Variants in IQCK observed in about 807,000 individuals in gnomAD.
IQCK encodes IQ motif containing K.
Under a neutral mutation model 28.1 loss-of-function variants are expected in IQCK, and 29 were observed. The ratio of observed to expected loss-of-function variants is 1.03; its 90% CI spans 0.77 to 1.41. The LOEUF (loss-of-function observed/expected upper bound fraction) is 1.41. IQCK is among the 40% of genes most tolerant of loss of function. The probability of loss-of-function intolerance (pLI) is 0.00; values close to 1 mark genes in which losing one functional copy is unlikely to be tolerated. For synonymous variants in IQCK, 113 were observed against 115.1 expected (o/e 0.98, Z 0.12); for missense variants, 359 against 314.7 (o/e 1.14, Z -1.07).
exon 10 of IQCK, chr16:19,858,356 CATGGCTCAAAG>C (rs963928479): frequency 2.2e-6 from 1 of 446,278 alleles, no homozygotes; most frequent in African/African-American, 2.0e-5. Flanking sequence ...TGAGGCTTCC[CATGGCTCAAAG>C]ATGGCTCTGT....
chr16:19,736,038 C>T (rs1450726585), intron 4 of IQCK: 6 of 450,936 alleles, frequency 1.3e-5, no homozygotes, highest in Non-Finnish European at 1.8e-5. Context: ...TGCACTCCAG[C>T]CTGGGCAATA....
At chr16:19,763,452 G>GT (rs1017157676) in intron 4 of IQCK, among the ~76,000 whole-genome samples, 4 of 151,392 alleles carry the variant, frequency 2.6e-5, no homozygotes, top group Admixed American at 1.3e-4. Flanking sequence ...AGTTTCTTTT[G>GT]TTTTTTTTGA....
chr16:19,725,236 C>T (rs1195052770), intron 1 of IQCK, among the ~76,000 whole-genome samples: 7 of 152,140 alleles, frequency 4.6e-5, no homozygotes, highest in South Asian at 2.1e-4. Context: ...GACAGGCTGT[C>T]GCCCAGGCTG....
chr16:19,745,992 C>T (rs2151694490), intron 4 of IQCK, among the ~76,000 whole-genome samples: 1 of 152,220 alleles, frequency 6.6e-6, no homozygotes, highest in South Asian at 2.1e-4. Flanking sequence ...ATGACTTCCA[C>T]CAAGTTCTCT....
chr16:19,735,530 A>G, intron 4 of IQCK, 80 bp downstream of exon 4: 1 of 1,191,632 alleles, frequency 8.4e-7, no homozygotes, highest in Non-Finnish European at 1.3e-6. Flanking sequence ...TTATCTTGGT[A>G]CCATCAGGTT....
chr16:19,756,106 T>C (rs1376651406), intron 4 of IQCK, among the ~76,000 whole-genome samples: 11 of 152,096 alleles, frequency 7.2e-5, no homozygotes, highest in Admixed American at 7.2e-4. Context: ...ATCACTTGAA[T>C]CTGGGAAGTT....
At chr16:19,783,300 G>T (rs993037569) in intron 6 of IQCK, among the ~76,000 whole-genome samples, 1 of 152,022 alleles carries the variant, frequency 6.6e-6, no homozygotes, top group African/African-American at 2.4e-5. Context: ...CGCCTGGCCA[G>T]CATTGATTCT....
chr16:19,849,265 T>TTC (rs2141121278), intron 9 of IQCK, among the ~76,000 whole-genome samples: 1 of 151,818 alleles, frequency 6.6e-6, no homozygotes, highest in Non-Finnish European at 1.5e-5. Context: ...GTTCAGGTTT[T>TTC]TTTTTTTTTT....
Position 19,856,485 on chromosome 16 carries a change from A to AGT in IQCK, c.803_804dup. 3 of 1,613,098 alleles carry AGT rather than the reference A, an allele frequency of 1.9e-6. No homozygotes were observed. The highest frequency in any genetic ancestry group is 2.5e-6 in the Non-Finnish European group (3 of 1,179,268). ...CTGACTTTCCCTTTCTTTTCTTTGC[A>AGT]GTGAAATGCAAAATGGAGGACGATG... On this transcript the variant is annotated splice_acceptor_variant, in intron 9 of 9. Coordinates refer to the IQCK transcript ENST00000320394. LOFTEE classifies it high-confidence loss of function.
intron 1 of IQCK, among the ~76,000 whole-genome samples, chr16:19,726,763 C>T (rs1029955026): frequency 2.6e-5 from 4 of 152,140 alleles, no homozygotes; most frequent in Non-Finnish European, 5.9e-5. Flanking sequence ...TTCATTCAGC[C>T]AGTATTCTGT....
intron 6 of IQCK, chr16:19,765,914 AATAAG>A (rs1364396603): frequency 6.6e-6 from 1 of 152,214 alleles, no homozygotes; most frequent in East Asian, 1.9e-4. Flanking sequence ...TAACCTTAAA[AATAAG>A]ATAACTTCTC....
intron 4 of IQCK, among the ~76,000 whole-genome samples, chr16:19,743,678 A>G (rs548479371): frequency 3.3e-4 from 50 of 152,374 alleles, no homozygotes; most frequent in African/African-American, 1.1e-3. Context: ...GGCAGAGCCA[A>G]GACTCAAACC....
At chr16:19,855,635 C>T (rs551488202) in intron 9 of IQCK, among the ~76,000 whole-genome samples, 3 of 152,228 alleles carry the variant, frequency 2.0e-5, no homozygotes, top group East Asian at 1.9e-4. Context: ...ACCTCTTTGC[C>T]GCATCTGGCT....
chr16:19,849,769 AAAAAGAAAAAG>A (rs1055877909), intron 9 of IQCK, among the ~76,000 whole-genome samples: 17 of 152,010 alleles, frequency 1.1e-4, no homozygotes, highest in Non-Finnish European at 2.4e-4. Context: ...TCTGAAAAAA[AAAAAGAAAAAG>A]AAAAGAAAAA....
intron 9 of IQCK, among the ~76,000 whole-genome samples, chr16:19,847,431 G>A (rs1484818246): frequency 1.3e-5 from 2 of 152,188 alleles, no homozygotes; most frequent in Non-Finnish European, 2.9e-5. Flanking sequence ...ACCACCGCCT[G>A]GATCCAGATA....
intron 9 of IQCK, among the ~76,000 whole-genome samples, chr16:19,853,804 A>G (rs1597616116): frequency 6.6e-6 from 1 of 152,122 alleles, no homozygotes; most frequent in Non-Finnish European, 1.5e-5. Flanking sequence ...TAATTTTTGT[A>G]ATTTTAGTAG....
exon 3 of IQCK, chr16:19,733,730 C>G (rs1257802918): frequency 6.2e-7 from 1 of 1,614,052 alleles, no homozygotes; most frequent in African/African-American, 1.3e-5. Flanking sequence ...TTTTTCATGG[C>G]TTCAGTGCAG....
chr16:19,745,349 C>T (rs1194369680), intron 4 of IQCK, among the ~76,000 whole-genome samples: 1 of 152,154 alleles, frequency 6.6e-6, no homozygotes, highest in Non-Finnish European at 1.5e-5. Flanking sequence ...TGACCCAGTA[C>T]TGCCAAATTC....
At chr16:19,760,953 T>A (rs2055130167) in intron 4 of IQCK, among the ~76,000 whole-genome samples, 1 of 152,174 alleles carries the variant, frequency 6.6e-6, no homozygotes, top group Non-Finnish European at 1.5e-5. Context: ...GCCATGGCAT[T>A]TGTAAACTGT....
Sources: allele counts gnomAD v4.1 joint callset (sites outside exome capture counted in the v4.1 genomes callset), GRCh38; gene constraint gnomAD v4.1.1; transcripts MANE v1.5; gene names NCBI Gene and HGNC (gene_info 2026-07-23, HGNC 2026-07-21).